The following CTNNA3 variants were observed in gnomAD, a reference collection of about 807,000 sequenced individuals.
The protein encoded by CTNNA3 is catenin alpha-3.
CTNNA3 carries 76 observed loss-of-function variants against 95.7 expected under a neutral mutation model. The ratio of observed to expected loss-of-function variants is 0.79; its 90% CI spans 0.66 to 0.96. The LOEUF (loss-of-function observed/expected upper bound fraction) is 0.96, where lower values mean the gene tolerates loss of function less well. CTNNA3 is among the 40% of genes least tolerant of loss of function. CTNNA3 has a pLI of 0.00. For missense variants in CTNNA3, 1,191 were observed against 1,089.8 expected (o/e 1.09, Z -1.31); for synonymous variants, 431 against 374.4 (o/e 1.15, Z -1.74).
At chr10:66,972,874 C>A (rs10997460) in intron 7 of CTNNA3, among the ~76,000 whole-genome samples, 2 of 151,632 alleles carry the variant, frequency 1.3e-5, no homozygotes, top group East Asian at 3.9e-4. Flanking sequence ...CCACGCCTGG[C>A]TAATTGTCTG....
At chr10:67,107,712 A>AGTAG (rs879666451) in intron 7 of CTNNA3, among the ~76,000 whole-genome samples, 2,619 of 152,352 alleles carry the variant, frequency 0.017, 80 homozygotes, top group East Asian at 0.12. Context: ...GACCATGATC[A>AGTAG]AAATCATTTA....
chr10:65,943,123 G>T (rs1250616408), intron 17 of CTNNA3, among the ~76,000 whole-genome samples: 3 of 150,896 alleles, frequency 2.0e-5, no homozygotes, highest in African/African-American at 7.3e-5. Flanking sequence ...GAGAGCAGTG[G>T]CGTGATCTCG....
chr10:67,712,395 T>C (rs1841116586), intron 1 of CTNNA3, among the ~76,000 whole-genome samples: 1 of 152,226 alleles, frequency 6.6e-6, no homozygotes, highest in South Asian at 2.1e-4. Flanking sequence ...CTCCAAGGCA[T>C]ACCAGAGGTC....
At chr10:66,360,651 CTTTCTTT>C (rs1564896179) in intron 12 of CTNNA3, among the ~76,000 whole-genome samples, 23 of 59,982 alleles carry the variant, frequency 3.8e-4, no homozygotes, top group African/African-American at 1.5e-3. Flanking sequence ...TTCTTTCTTT[CTTTCTTT>C]CTTCCTTCCT....
intron 5 of CTNNA3, among the ~76,000 whole-genome samples, chr10:67,354,046 T>C (rs539626865): frequency 7.2e-5 from 11 of 152,148 alleles, no homozygotes; most frequent in African/African-American, 2.6e-4. Flanking sequence ...TCCAAACTTC[T>C]AACATTAACA....
chr10:66,594,606 G>T (rs2631200), intron 10 of CTNNA3, among the ~76,000 whole-genome samples: 94,947 of 151,984 alleles, frequency 0.62, 30,186 homozygotes, highest in East Asian at 0.91. Context: ...TCCTAGAATT[G>T]TACACGGTTT....
chr10:67,588,224 A>G (rs898706600), intron 3 of CTNNA3, among the ~76,000 whole-genome samples: 4 of 97,428 alleles, frequency 4.1e-5, no homozygotes, highest in African/African-American at 2.9e-4. Flanking sequence ...GTTAAGATCT[A>G]TCTTATTATT....
rs539889695 is a variant in CTNNA3 at position 66,865,860 on chromosome 10, T to A, written c.1048-90336A>T. Among the ~76,000 whole-genome samples, 5 of 152,212 alleles carry A rather than the reference T, an allele frequency of 3.3e-5. No individual in the cohort carries two copies. The South Asian group carries it at 1.0e-3, about 32-fold the overall frequency. ...CATAAGTTGAACATTTGAATAAAAG[T>A]AATATGTAATATGCATTTTTTCAGG... On this transcript the variant is annotated intron_variant, in intron 7 of 17. Coordinates refer to ENST00000433211, the MANE Select transcript of CTNNA3 (RefSeq NM_013266.4).
intron 9 of CTNNA3, among the ~76,000 whole-genome samples, chr10:66,696,056 C>G (rs1847751628): frequency 1.3e-5 from 2 of 152,076 alleles, no homozygotes; most frequent in South Asian, 4.1e-4. Flanking sequence ...ATGGGCACCT[C>G]TGAACAATGA....
At chr10:66,896,899 G>A (rs1845516667) in intron 7 of CTNNA3, among the ~76,000 whole-genome samples, 1 of 152,264 alleles carries the variant, frequency 6.6e-6, no homozygotes, top group South Asian at 2.1e-4. Flanking sequence ...TCCTGCAGTA[G>A]CACCCCATGC....
chr10:66,274,465 C>A (rs1006126031), intron 13 of CTNNA3, among the ~76,000 whole-genome samples: 1 of 151,922 alleles, frequency 6.6e-6, no homozygotes, highest in African/African-American at 2.4e-5. Context: ...AAAAGAGAAC[C>A]TCCATACATT....
upstream of CTNNA3, among the ~76,000 whole-genome samples, chr10:67,699,502 T>A (rs1277537838): frequency 6.6e-6 from 1 of 152,222 alleles, no homozygotes; most frequent in Non-Finnish European, 1.5e-5. Context: ...GGACTTCTCC[T>A]GTTGCCAATA....
chr10:67,219,926 T>TA (rs1864574062), intron 5 of CTNNA3, 56 bp from the exon 6 acceptor site: 2 of 1,379,060 alleles, frequency 1.5e-6, no homozygotes. Context: ...GAGAAAGACT[T>TA]AAATTAAAAA....
chr10:66,301,669 C>A (rs112964183), intron 12 of CTNNA3, among the ~76,000 whole-genome samples: 1 of 151,584 alleles, frequency 6.6e-6, no homozygotes, highest in Admixed American at 6.6e-5. Context: ...AATCCTACAC[C>A]CACTCATAGT....
At chr10:66,232,564 A>G (rs2089638731) in intron 13 of CTNNA3, among the ~76,000 whole-genome samples, 1 of 152,196 alleles carries the variant, frequency 6.6e-6, no homozygotes, top group Non-Finnish European at 1.5e-5. Flanking sequence ...GCAAATTTAA[A>G]AAATAATTTT....
chr10:67,549,217 CTG>C (rs1840941637), intron 3 of CTNNA3, among the ~76,000 whole-genome samples: 2 of 151,814 alleles, frequency 1.3e-5, no homozygotes, highest in Non-Finnish European at 2.9e-5. Flanking sequence ...ACTTTAATAA[CTG>C]TAAAAACTAG....
chr10:66,696,371 C>T (rs1203349456), intron 9 of CTNNA3, among the ~76,000 whole-genome samples: 1 of 152,112 alleles, frequency 6.6e-6, no homozygotes, highest in Non-Finnish European at 1.5e-5. Context: ...AACATTATCT[C>T]ATTATAGACT....
chr10:67,169,411 C>T (rs1021128737), intron 7 of CTNNA3, among the ~76,000 whole-genome samples: 1 of 151,924 alleles, frequency 6.6e-6, no homozygotes, highest in Non-Finnish European at 1.5e-5. Context: ...GTTACCAAAA[C>T]AGCATGGTAC....
intron 5 of CTNNA3, among the ~76,000 whole-genome samples, chr10:67,301,002 T>C (rs1840243441): frequency 6.6e-6 from 1 of 152,200 alleles, no homozygotes; most frequent in Non-Finnish European, 1.5e-5. Context: ...TACAACATGA[T>C]GTTATGGTAT....
Sources: gnomAD v4.1 joint callset for allele counts (sites outside exome capture counted in the v4.1 genomes callset) on GRCh38, gnomAD v4.1.1 for gene constraint, MANE v1.5 for transcripts, NCBI Gene and HGNC (gene_info 2026-07-23, HGNC 2026-07-21) for gene names.